The following TCF20 variants were observed in gnomAD, a reference collection of about 807,000 sequenced individuals.
TCF20 encodes the protein SPRE-binding protein.
A neutral mutation model predicts 148.6 loss-of-function variants in TCF20; 3 were observed. The observed-to-expected ratio is 0.02, with a 90% CI of 0.01 to 0.05. TCF20 has a LOEUF of 0.05. TCF20 is among the 10% of genes least tolerant of loss of function. The probability of loss-of-function intolerance (pLI) is 1.00; values close to 1 mark genes in which losing one functional copy is unlikely to be tolerated. For synonymous variants in TCF20, 1,049 were observed against 909.5 expected (o/e 1.15, Z -2.76); for missense variants, 2,350 against 2,429.3 (o/e 0.97, Z 0.69).
Position 42,210,753 on chromosome 22 carries a change from G to C in TCF20, c.4553C>G (p.Thr1518Arg), listed in dbSNP as rs377027280. The change falls in exon 2 of 6, where the codon ACA becomes AGA. Residue 1518 changes from threonine (T) to arginine (R), a missense_variant. Physicochemically the swap from Thr to Arg is moderately conservative, Grantham distance 71. This residue lies in a region of TCF20 where 231 missense variants were observed against 213.7 expected (regional missense o/e 1.08). Coordinates refer to ENST00000677622, the MANE Select transcript of TCF20 (RefSeq NM_001378418.1). The surrounding 1 kb of genome is among the most constrained non-coding windows in gnomAD (Gnocchi z 4.7). ...CTCTTGCTTCGGTGAAATCGTCACTGTATCGTTCTCCTTCTCTTCAGCCTT... is the reference window on the plus strand; with the variant it reads ...CTCTTGCTTCGGTGAAATCGTCACTCTATCGTTCTCCTTCTCTTCAGCCTT... ...NPKAEEKEND[T>R]VTISPKQEGF... 7.4e-6 allele frequency: 12 copies of C among 1,614,082 alleles called. No homozygotes were observed. Among genetic ancestry groups the C allele is most frequent in the African/African-American group, 1.3e-5 (1 of 74,914 alleles).
rs538403281 is a variant in TCF20, at chr22:42,309,018, C to T, written c.-37+34461G>A. 1.8e-3 allele frequency among the ~76,000 whole-genome samples: 279 copies of T among 152,216 alleles called. 2 individuals are homozygous for T. Among genetic ancestry groups the T allele is most frequent in the African/African-American group, 5.6e-3 (234 of 41,526 alleles). ...TGAACACCCAGGGAACACGCCGGTG[C>T]CTGCCGCCTGGTGCAGAGGCCTCAC... is the stretch of plus-strand genomic sequence containing the variant. On this transcript the variant is annotated intron_variant, in intron 1 of 1. Coordinates refer to the TCF20 transcript ENST00000515426.
At chr22:42,177,257 A>G (rs1212547352) in intron 3 of TCF20, among the ~76,000 whole-genome samples, 2 of 152,260 alleles carry the variant, frequency 1.3e-5, no homozygotes, top group South Asian at 4.1e-4. Context: ...TCTACTAAAA[A>G]TACAAAAATT....
chr22:42,200,878 A>C (rs1473623249), intron 2 of TCF20, among the ~76,000 whole-genome samples: 1 of 152,166 alleles, frequency 6.6e-6, no homozygotes, highest in Non-Finnish European at 1.5e-5. Flanking sequence ...AGAAATCACT[A>C]ATGGTTTTGC....
chr22:42,270,069 G>A, intron 1 of TCF20: 1 of 152,958 alleles, frequency 6.5e-6, no homozygotes, highest in Non-Finnish European at 1.5e-5. Context: ...CGGCACCCAA[G>A]CCCCGCCGGA....
intron 2 of TCF20, among the ~76,000 whole-genome samples, chr22:42,185,461 AC>A (rs936442287): frequency 1.3e-5 from 2 of 152,174 alleles, no homozygotes; most frequent in Non-Finnish European, 2.9e-5. Flanking sequence ...GAGTTACAAA[AC>A]TGATGCTGGT....
intron 1 of TCF20, among the ~76,000 whole-genome samples, chr22:42,233,837 G>A (rs1045633625): frequency 6.6e-6 from 1 of 152,116 alleles, no homozygotes; most frequent in African/African-American, 2.4e-5. Context: ...CATAAGGAAA[G>A]GCAGGTTAAT....
chr22:42,292,893 C>T lies in TCF20; in HGVS notation c.-37+50586G>A, dbSNP rs1232471292. Among the ~76,000 whole-genome samples, 2 of 150,610 alleles carry T rather than the reference C, an allele frequency of 1.3e-5. No individual in the cohort carries two copies. Among genetic ancestry groups the T allele is most frequent in the Non-Finnish European group, 3.0e-5 (2 of 67,704 alleles). Reference sequence around the variant, plus strand: ...TGTGACCCTTCCACTGTCCCCAGCGCTGGATACTAGATCCCACATCCCCCT... The same window carrying T: ...TGTGACCCTTCCACTGTCCCCAGCGTTGGATACTAGATCCCACATCCCCCT... On this transcript the variant is annotated intron_variant, in intron 1 of 1. Coordinates refer to the TCF20 transcript ENST00000515426. The surrounding 1 kb of genome is among the most constrained non-coding windows in gnomAD (Gnocchi z 4.9).
chr22:42,161,178 T>G lies in TCF20; in HGVS notation c.*225A>C. 1 of 555,454 alleles carries G rather than the reference T, an allele frequency of 1.8e-6. No individual in the cohort carries two copies. The highest frequency in any genetic ancestry group is 2.0e-5 in the South Asian group (1 of 49,982). 34.4% of individuals were successfully genotyped at this position (555,454 alleles called of 1,614,324 possible). ...GTCCATGGAAACAGCCATTCCAACGTCTTGGGTCTTTCTTTCCTGTGGTGT... is the reference window on the plus strand; with the variant it reads ...GTCCATGGAAACAGCCATTCCAACGGCTTGGGTCTTTCTTTCCTGTGGTGT... On this transcript the variant is annotated 3_prime_UTR_variant, in exon 6 of 6. Coordinates refer to ENST00000677622, the MANE Select transcript of TCF20 (RefSeq NM_001378418.1).
chr22:42,179,374 G>A (rs1158295598), intron 3 of TCF20, among the ~76,000 whole-genome samples: 2 of 150,188 alleles, frequency 1.3e-5, no homozygotes, highest in African/African-American at 4.9e-5. Flanking sequence ...GAGCTTAAAG[G>A]GAAAAAAAAA....
At chr22:42,303,528 G>A (rs1927376650) in intron 1 of TCF20, among the ~76,000 whole-genome samples, 1 of 152,276 alleles carries the variant, frequency 6.6e-6, no homozygotes, top group Non-Finnish European at 1.5e-5. Flanking sequence ...CCGAGGGCAT[G>A]AGTATGCAGA....
chr22:42,291,012 T>TC (rs1343852497), intron 1 of TCF20, among the ~76,000 whole-genome samples: 8 of 152,024 alleles, frequency 5.3e-5, no homozygotes, highest in Non-Finnish European at 1.2e-4. Flanking sequence ...AAGTAAGGGG[T>TC]CCAGCCAGAT....
chr22:42,269,950 G>A (rs1006290453), intron 1 of TCF20: 2 of 152,194 alleles, frequency 1.3e-5, no homozygotes, highest in African/African-American at 2.4e-5. Flanking sequence ...GGGCCCCGAA[G>A]CAGGCGGCGC....
At chr22:42,306,535 C>T (rs1029693793) in intron 1 of TCF20, among the ~76,000 whole-genome samples, 3 of 152,188 alleles carry the variant, frequency 2.0e-5, no homozygotes, top group Non-Finnish European at 4.4e-5. Flanking sequence ...CCACTGTGCC[C>T]GTGGAACCCA....
intron 2 of TCF20, among the ~76,000 whole-genome samples, chr22:42,186,437 A>G (rs1937050498): frequency 1.3e-5 from 2 of 152,256 alleles, no homozygotes; most frequent in African/African-American, 4.8e-5. Context: ...TACATAAAAC[A>G]TACATTCATC....
intron 3 of TCF20, among the ~76,000 whole-genome samples, chr22:42,179,366 G>A (rs901529890): frequency 5.3e-5 from 8 of 150,744 alleles, no homozygotes; most frequent in Admixed American, 4.0e-4. Flanking sequence ...GTCCAACAGA[G>A]CTTAAAGGGA....
At chr22:42,219,668 C>A (rs1454328394) in intron 1 of TCF20, among the ~76,000 whole-genome samples, 1 of 151,924 alleles carries the variant, frequency 6.6e-6, no homozygotes, top group Non-Finnish European at 1.5e-5. Context: ...CCAGCCTGGG[C>A]AACATGGCGA....
intron 1 of TCF20, among the ~76,000 whole-genome samples, chr22:42,248,845 G>T (rs1477620676): frequency 1.3e-5 from 2 of 152,220 alleles, no homozygotes; most frequent in Non-Finnish European, 2.9e-5. Context: ...TATGGTTTAA[G>T]GAGATGCCTA....
rs1364944153 is a variant in TCF20, at chr22:42,211,133, A to G, written c.4173T>C (p.Gly1391=). The part of the protein sequence containing the change: ...TLDDILSLKS[G]PPEGGSVAVQ... Reference sequence around the variant, plus strand: ...CAGCAACACTCCCACCTTCAGGAGGACCACTCTTCAAAGACAGTATATCAT... The same window carrying G: ...CAGCAACACTCCCACCTTCAGGAGGGCCACTCTTCAAAGACAGTATATCAT... Residue 1391 remains glycine, a synonymous_variant, in exon 2 of 6, where the codon GGT becomes GGC. Coordinates refer to ENST00000677622, the MANE Select transcript of TCF20 (RefSeq NM_001378418.1). The G allele has an allele frequency of 1.2e-6, 2 of 1,614,168 alleles. No homozygotes were observed. Among genetic ancestry groups the G allele is most frequent in the Non-Finnish European group, 1.7e-6 (2 of 1,180,020 alleles).
chr22:42,319,161 G>A (rs1414905203), intron 1 of TCF20, among the ~76,000 whole-genome samples: 1 of 152,156 alleles, frequency 6.6e-6, no homozygotes, highest in Non-Finnish European at 1.5e-5. Context: ...GTAAAGTCTA[G>A]GAAGACTTCC....
Sources: allele counts gnomAD v4.1 joint callset (sites outside exome capture counted in the v4.1 genomes callset), GRCh38; gene constraint gnomAD v4.1.1; regional missense constraint gnomAD v4.1.1; non-coding constraint Gnocchi (gnomAD v3.1); transcripts MANE v1.5; gene names NCBI Gene and HGNC (gene_info 2026-07-23, HGNC 2026-07-21).